The following CDS1 variants were observed in gnomAD, a reference collection of about 807,000 sequenced individuals.
The protein encoded by CDS1 is phosphatidate cytidylyltransferase 1.
CDS1 carries 41 observed loss-of-function variants against 62.1 expected under a neutral mutation model. The ratio of observed to expected loss-of-function variants is 0.66; its 90% CI spans 0.51 to 0.86. The LOEUF is 0.86. Among genes scored for constraint, CDS1 ranks in the 40% least tolerant of loss-of-function variants. The probability of loss-of-function intolerance (pLI) is 0.00; values close to 1 mark genes in which losing one functional copy is unlikely to be tolerated. For missense variants in CDS1, 470 were observed against 550.1 expected (o/e 0.85, Z 1.46); for synonymous variants, 185 against 192.6 (o/e 0.96, Z 0.32).
At chr4:84,641,303 T>A (rs116820918) in intron 10 of CDS1, among the ~76,000 whole-genome samples, 2,847 of 152,266 alleles carry the variant, frequency 0.019, 84 homozygotes, top group African/African-American at 0.065. Flanking sequence ...TGGTCTCAAG[T>A]GATCCGCCTG....
Position 84,586,159 on chromosome 4 carries a change from T to G in CDS1, c.117+2641T>G, listed in dbSNP as rs115286142. Reference sequence around the variant, plus strand: ...GAGAGCAAAAGGAGGAGGCATTGCTTAGAGCAGTGGTCCCCAAATTTTTTG... The same window carrying G: ...GAGAGCAAAAGGAGGAGGCATTGCTGAGAGCAGTGGTCCCCAAATTTTTTG... On this transcript the variant is annotated intron_variant, in intron 1 of 12. Coordinates refer to ENST00000295887, the MANE Select transcript of CDS1 (RefSeq NM_001263.4). Among the ~76,000 whole-genome samples, 707 of 152,262 alleles carry G rather than the reference T, an allele frequency of 4.6e-3. 6 individuals carry two copies. The highest frequency in any genetic ancestry group is 0.016 in the African/African-American group (684 of 41,550).
At chr4:84,619,158 G>A (rs992319362) in intron 4 of CDS1, among the ~76,000 whole-genome samples, 1 of 151,086 alleles carries the variant, frequency 6.6e-6, no homozygotes, top group Admixed American at 6.6e-5. Context: ...ATTATCTCTG[G>A]CATTAGATTT....
intron 1 of CDS1, among the ~76,000 whole-genome samples, chr4:84,602,662 G>A (rs1437067176): frequency 6.6e-6 from 1 of 151,928 alleles, no homozygotes; most frequent in Non-Finnish European, 1.5e-5. Flanking sequence ...TCAATACTCT[G>A]GGTTATTAAA....
At chr4:84,606,297 TC>T (rs1260995555) in intron 2 of CDS1, among the ~76,000 whole-genome samples, 1 of 115,348 alleles carries the variant, frequency 8.7e-6, no homozygotes, top group African/African-American at 4.1e-5. Flanking sequence ...GAGGCTTTTT[TC>T]TTGTGCAGTG....
intron 12 of CDS1, among the ~76,000 whole-genome samples, chr4:84,645,722 A>G (rs1482865878): frequency 6.6e-6 from 1 of 152,244 alleles, no homozygotes; most frequent in African/African-American, 2.4e-5. Context: ...AGAATGTTCT[A>G]GGGACAAATA....
At chr4:84,622,177 T>C (rs1273884123) in intron 5 of CDS1, among the ~76,000 whole-genome samples, 1 of 152,182 alleles carries the variant, frequency 6.6e-6, no homozygotes, top group Non-Finnish European at 1.5e-5. Flanking sequence ...ATATTTAAGG[T>C]AACAAGACTT....
intron 1 of CDS1, among the ~76,000 whole-genome samples, chr4:84,597,048 C>G (rs967902128): frequency 6.6e-6 from 1 of 152,072 alleles, no homozygotes; most frequent in African/African-American, 2.4e-5. Flanking sequence ...TCAGGTTTGC[C>G]TTTTACTCAG....
At chr4:84,633,815 C>A in intron 6 of CDS1, 42 bp from the exon 7 acceptor site, 4 of 1,334,120 alleles carry the variant, frequency 3.0e-6, no homozygotes, top group Non-Finnish European at 4.2e-6. Flanking sequence ...CTGCACTGAT[C>A]AGTTGTGTTC....
chr4:84,609,004 C>G (rs1723221950), intron 2 of CDS1, among the ~76,000 whole-genome samples: 1 of 151,766 alleles, frequency 6.6e-6, no homozygotes, highest in Admixed American at 6.6e-5. Flanking sequence ...CAGTGAAACC[C>G]CGTCTCTACT....
At chr4:84,640,740 G>T in intron 9 of CDS1, 98 bp from the exon 10 acceptor site, 1 of 941,000 alleles carries the variant, frequency 1.1e-6, no homozygotes, top group Non-Finnish European at 1.4e-6. Context: ...TCTATCTCTG[G>T]CCTTTCTGAT....
intron 9 of CDS1, 24 bp from the exon 10 acceptor site, chr4:84,640,814 G>T (rs773957481): frequency 2.0e-6 from 3 of 1,488,332 alleles, no homozygotes; most frequent in Admixed American, 2.2e-5. Context: ...TTTTTGTTTT[G>T]TTTTGTTTTG....
At chr4:84,647,978 T>C (rs141483060) in intron 12 of CDS1, among the ~76,000 whole-genome samples, 21 of 152,292 alleles carry the variant, frequency 1.4e-4, no homozygotes, top group African/African-American at 5.1e-4. Context: ...TTTTTTATAT[T>C]GGAGTTCACC....
rs1177401929 is a variant in CDS1, at chr4:84,638,930, C to G, written c.817C>G (p.Pro273Ala). ...TTTATTTGCCCTTTTTTAGTTGTCT[C>G]CTAAAAAGACTTGGGAAGGATTCAT... ...FGRTPLIKLSPKKTWEGFIGG... is the reference protein window; with the variant it reads ...FGRTPLIKLSAKKTWEGFIGG... Residue 273 changes from proline to alanine, a missense_variant, in exon 9 of 13, where the codon CCT (proline) becomes GCT (alanine). Pro to Ala is a conservative substitution (Grantham distance 27). Around this residue, in one of 5 missense-constraint regions of CDS1, gnomAD observed 214 missense variants for 242.4 expected, o/e 0.88. Coordinates refer to ENST00000295887, the MANE Select transcript of CDS1 (RefSeq NM_001263.4). The G allele has an allele frequency of 1.3e-6, 2 of 1,542,872 alleles. No homozygotes were observed. Among genetic ancestry groups the G allele is most frequent in the Non-Finnish European group, 1.7e-6 (2 of 1,143,582 alleles).
intron 1 of CDS1, among the ~76,000 whole-genome samples, chr4:84,603,318 A>T (rs939341749): frequency 6.6e-6 from 1 of 152,090 alleles, no homozygotes; most frequent in African/African-American, 2.4e-5. Context: ...TCTTTCCTCT[A>T]TCCCAGTTCA....
chr4:84,648,792 A>C lies in CDS1; in HGVS notation c.*106A>C. The C allele has an allele frequency of 9.4e-7, 1 of 1,062,420 alleles. No individual in the cohort carries two copies. Among genetic ancestry groups the C allele is most frequent in the Non-Finnish European group, 1.3e-6 (1 of 750,230 alleles). The allele number at this position is 1,062,420 out of a possible 1,614,324, so 65.8% of individuals were successfully genotyped here. On this transcript the variant is annotated 3_prime_UTR_variant, in exon 13 of 13. Coordinates refer to ENST00000295887, the MANE Select transcript of CDS1 (RefSeq NM_001263.4). ...AATAGTTAAAAATGCAATAGGTTGAAGTTTTGGAGATATGTTTCTCTCTGA... is the reference window on the plus strand; with the variant it reads ...AATAGTTAAAAATGCAATAGGTTGACGTTTTGGAGATATGTTTCTCTCTGA...
chr4:84,599,174 CTGTGTCCTCCCGTGGT>C (rs1466194199), intron 1 of CDS1, among the ~76,000 whole-genome samples: 5 of 152,000 alleles, frequency 3.3e-5, no homozygotes, highest in Non-Finnish European at 7.4e-5. Context: ...AGATAACTTG[CTGTGTCCTCCCGTGGT>C]GGAGAGATTA....
intron 1 of CDS1, among the ~76,000 whole-genome samples, chr4:84,591,591 A>G (rs902591431): frequency 3.3e-5 from 5 of 152,210 alleles, no homozygotes; most frequent in African/African-American, 1.2e-4. Context: ...TTAGTGCAAA[A>G]TAATTTATAA....
At chr4:84,590,980 T>C (rs2110034273) in intron 1 of CDS1, among the ~76,000 whole-genome samples, 1 of 152,290 alleles carries the variant, frequency 6.6e-6, no homozygotes, top group African/African-American at 2.4e-5. Flanking sequence ...TGCTGACACA[T>C]TTTAAATGCC....
intron 3 of CDS1, among the ~76,000 whole-genome samples, chr4:84,616,159 A>T (rs1723486681): frequency 6.6e-6 from 1 of 152,176 alleles, no homozygotes; most frequent in Non-Finnish European, 1.5e-5. Context: ...TTAATACTAA[A>T]CATTGTCTCC....
Sources: allele counts gnomAD v4.1 joint callset (sites outside exome capture counted in the v4.1 genomes callset), GRCh38; gene constraint gnomAD v4.1.1; regional missense constraint gnomAD v4.1.1; transcripts MANE v1.5; gene names NCBI Gene and HGNC (gene_info 2026-07-23, HGNC 2026-07-21).